C5: variants seen among roughly 807,000 people sequenced by gnomAD.
The protein encoded by C5 is C3 and PZP-like alpha-2-macroglobulin domain-containing protein 4.
In C5, 140 loss-of-function variants were observed where a neutral mutation model predicts 218.8. The observed-to-expected ratio is 0.64, with a 90% CI of 0.56 to 0.74. The LOEUF (loss-of-function observed/expected upper bound fraction) is 0.74. C5 is among the 30% of genes least tolerant of loss of function. C5 has a pLI of 0.00. For missense variants in C5, 1,700 were observed against 1,969.6 expected (o/e 0.86, Z 2.59); for synonymous variants, 614 against 682.3 (o/e 0.90, Z 1.56).
Position 120,981,931 on chromosome 9 carries a change from CA to C in C5, c.3398del (p.Leu1133CysfsTer17). On this transcript the variant is annotated frameshift_variant, in exon 27 of 41. Coordinates refer to ENST00000223642, the MANE Select transcript of C5 (RefSeq NM_001735.3). LOFTEE classifies it high-confidence loss of function. ...QYQPIKLQGT[L>X]PVEARENSLY... ...AGCTGTTCTCTCGGGCTTCAACAGG[CA>C]AGGTACCCTAAAAAGAAGCAATGTT... 1 of 1,612,356 alleles carries C rather than the reference CA, an allele frequency of 6.2e-7. No homozygotes were observed. The highest frequency in any genetic ancestry group is 1.3e-5 in the African/African-American group (1 of 74,984).
chr9:120,993,446 G>A (rs1320960510), intron 22 of C5, among the ~76,000 whole-genome samples: 5 of 151,824 alleles, frequency 3.3e-5, no homozygotes, highest in East Asian at 1.9e-4. Context: ...TTTTTGAGAC[G>A]GAGTCTCGCT....
At chr9:121,027,338 T>C (rs1261370821) in intron 7 of C5, 64 bp from the exon 8 acceptor site, 2 of 839,772 alleles carry the variant, frequency 2.4e-6, no homozygotes, top group Admixed American at 2.0e-5. Flanking sequence ...TCAGATAAAA[T>C]GTAACAATTT....
At position 121,041,297 on chromosome 9, in the gene C5, CTTTT is replaced by C. The variant is rs386416117; in HGVS notation, c.421+1703_421+1706del. ...CTGATAGAGAAATAATACATGAAGC[CTTTT>C]TTTTTTTTTTTTTTTTTTGCTGAGA... On this transcript the variant is annotated intron_variant, in intron 3 of 40. Coordinates refer to ENST00000223642, the MANE Select transcript of C5 (RefSeq NM_001735.3). Among the ~76,000 whole-genome samples the C allele has an allele frequency of 2.6e-4, 19 of 72,674 alleles. No homozygotes were observed. In the Admixed American group the frequency reaches 3.0e-3, roughly 12 times the overall value. 47.7% of individuals were successfully genotyped at this position (72,674 alleles called of 152,430 possible).
intron 5 of C5, among the ~76,000 whole-genome samples, chr9:121,032,886 A>G (rs576797283): frequency 8.3e-4 from 127 of 152,246 alleles, no homozygotes; most frequent in African/African-American, 2.2e-3. Flanking sequence ...TTGTAGTCCC[A>G]GCTACTTAGG....
At position 120,996,284 on chromosome 9, in the gene C5, C is replaced by T. The variant is rs1026449614; in HGVS notation, c.2807G>A (p.Arg936Lys). 1 of 1,612,358 alleles carries T rather than the reference C, an allele frequency of 6.2e-7. No individual in the cohort carries two copies. Among genetic ancestry groups the T allele is most frequent in the Non-Finnish European group, 8.5e-7 (1 of 1,178,528 alleles). ...CAAAGTAACACCAGAATAGCTTTCCCTTTTGACACCTTCTGGCTAAAATAA... is the reference window on the plus strand; with the variant it reads ...CAAAGTAACACCAGAATAGCTTTCCTTTTTGACACCTTCTGGCTAAAATAA... ...TLRVVPEGVK[R>K]ESYSGVTLDP... Residue 936 changes from arginine to lysine, a missense_variant, in exon 22 of 41, where the codon AGG becomes AAG. By Grantham distance (26) the Arg-to-Lys change is conservative (BLOSUM62 2). Transcript: ENST00000223642.
At chr9:121,057,045 G>A in the C5 span, among the ~76,000 whole-genome samples, 1 of 152,160 alleles carries the variant, frequency 6.6e-6, no homozygotes, top group Non-Finnish European at 1.5e-5. Context: ...AGATTTCTTA[G>A]CAGAAACTTT....
the C5 span, among the ~76,000 whole-genome samples, chr9:121,074,580 G>C: frequency 6.6e-6 from 1 of 152,368 alleles, no homozygotes; most frequent in Non-Finnish European, 1.5e-5. Context: ...AAGTGGGGGA[G>C]GCCGGGGAGG....
the C5 span, among the ~76,000 whole-genome samples, chr9:121,061,409 C>T: frequency 2.6e-5 from 4 of 152,152 alleles, no homozygotes; most frequent in East Asian, 5.8e-4. Flanking sequence ...ATTAGCCGGG[C>T]GTGGTGGCAT....
At chr9:120,985,912 G>A (rs1033986610) in intron 25 of C5, among the ~76,000 whole-genome samples, 4 of 152,192 alleles carry the variant, frequency 2.6e-5, no homozygotes, top group Non-Finnish European at 5.9e-5. Flanking sequence ...ATACTGAGCA[G>A]TTAATCTACA....
At chr9:121,053,859 A>G (rs1428422316), upstream of C5, among the ~76,000 whole-genome samples, 4 of 152,218 alleles carry the variant, frequency 2.6e-5, no homozygotes. Context: ...GCCTTGGGAC[A>G]GAGGAGAATT....
chr9:120,953,075 C>T (rs529682607), intron 40 of C5, among the ~76,000 whole-genome samples: 1 of 152,306 alleles, frequency 6.6e-6, no homozygotes, highest in Admixed American at 6.5e-5. Context: ...AGGTGCCTGC[C>T]ACCACGCCCG....
rs953847247 is a variant in C5, at chr9:120,952,863, A to G, written c.4907T>C (p.Ile1636Thr). 1.9e-6 allele frequency: 3 copies of G among 1,613,696 alleles called. No homozygotes were observed. The highest frequency in any genetic ancestry group is 2.5e-6 in the Non-Finnish European group (3 of 1,179,740). ...CCAGGTCAAGGAATCTAAAGGGTAGATGTACCTACCAAGAAACAAAGTGTT... is the reference window on the plus strand; with the variant it reads ...CCAGGTCAAGGAATCTAAAGGGTAGGTGTACCTACCAAGAAACAAAGTGTT... ...QIKYNFSFRY[I>T]YPLDSLTWIE... Residue 1636 changes from isoleucine (I) to threonine (T), a missense_variant, in exon 41 of 41, where the codon ATC becomes ACC. Physicochemically the swap from Ile to Thr is moderately conservative, Grantham distance 89. Coordinates refer to ENST00000223642, the MANE Select transcript of C5 (RefSeq NM_001735.3).
Position 120,953,803 on chromosome 9 carries a change from C to T in C5, c.4828G>A (p.Glu1610Lys). The change falls in exon 40 of 41, where the codon GAG (glutamate) becomes AAG (lysine). Residue 1610 changes from glutamate (E) to lysine (K), a missense_variant. Glu to Lys is a moderately conservative substitution (Grantham distance 56). Coordinates refer to ENST00000223642, the MANE Select transcript of C5 (RefSeq NM_001735.3). ...AAGTACTGTCTTCCTTTTACCAGCT[C>T]AGCGTTAGTACAGGTTACCTTTTTA... ...FIKKVTCTNA[E>K]LVKGRQYLIM... The T allele has an allele frequency of 1.2e-6, 2 of 1,613,852 alleles. No individual in the cohort carries two copies. The highest frequency in any genetic ancestry group is 4.5e-5 in the East Asian group (2 of 44,880).
At chr9:121,047,044 T>C (rs2047633824) in intron 1 of C5, among the ~76,000 whole-genome samples, 1 of 152,202 alleles carries the variant, frequency 6.6e-6, no homozygotes, top group Non-Finnish European at 1.5e-5. Flanking sequence ...ATAGTGATGA[T>C]GGTCCTTTAA....
At chr9:121,029,777 C>T (rs1357424248) in intron 7 of C5, among the ~76,000 whole-genome samples, 1 of 152,190 alleles carries the variant, frequency 6.6e-6, no homozygotes, top group East Asian at 1.9e-4. Flanking sequence ...CTCAGGGGGA[C>T]TTTCATGCTT....
intron 23 of C5, among the ~76,000 whole-genome samples, chr9:120,990,827 G>A (rs567491193): frequency 2.0e-5 from 3 of 152,182 alleles, no homozygotes; most frequent in African/African-American, 4.8e-5. Flanking sequence ...TGCTGTTCTC[G>A]CTAGGCCATG....
At chr9:120,957,062 T>A (rs1482910939) in intron 39 of C5, 19 of 444,390 alleles carry the variant, frequency 4.3e-5, no homozygotes, top group Admixed American at 1.0e-4. Flanking sequence ...ATTACGCAAT[T>A]GAAAAAAACA....
chr9:120,988,613 C>T (rs960117261), intron 25 of C5, among the ~76,000 whole-genome samples: 10 of 152,126 alleles, frequency 6.6e-5, no homozygotes, highest in Non-Finnish European at 1.5e-4. Flanking sequence ...CCAGATCATA[C>T]AGAGCTTTGT....
Position 120,952,481 on chromosome 9 carries a change from T to C in C5, c.*258A>G. ...TTCCTGAGTGGTAGGTTTGAGGAGG[T>C]GTTCCAATTTATTGTTTCCGGTGTC... On this transcript the variant is annotated 3_prime_UTR_variant, in exon 41 of 41. Transcript: ENST00000223642. The C allele has an allele frequency of 2.5e-6, 1 of 395,636 alleles. No homozygotes were observed. 24.5% of individuals were successfully genotyped at this position (395,636 alleles called of 1,614,324 possible). A position where few individuals can be genotyped will look rare whatever the true frequency, so the allele number is the denominator to read the frequency against.
Sources: gnomAD v4.1 joint callset for allele counts (sites outside exome capture counted in the v4.1 genomes callset) on GRCh38, gnomAD v4.1.1 for gene constraint, MANE v1.5 for transcripts, NCBI Gene and HGNC (gene_info 2026-07-23, HGNC 2026-07-21) for gene names.